Variants in LCLAT1 observed in about 807,000 individuals in gnomAD.
LCLAT1 encodes lysocardiolipin acyltransferase 1, also known as 1-AGP acyltransferase 8.
A neutral mutation model predicts 30.7 loss-of-function variants in LCLAT1; 11 were observed. The ratio of observed to expected loss-of-function variants is 0.36; its 90% CI spans 0.23 to 0.59. The LOEUF (loss-of-function observed/expected upper bound fraction) is 0.59, where lower values mean the gene tolerates loss of function less well. Ranked by LOEUF, LCLAT1 falls within the 20% of genes least tolerant of loss-of-function variation. The pLI, the probability that LCLAT1 is intolerant of heterozygous loss-of-function variation, is 0.77. For missense variants in LCLAT1, 402 were observed against 458.6 expected (o/e 0.88, Z 1.13); for synonymous variants, 155 against 151.3 (o/e 1.02, Z -0.18).
chr2:30,549,974 A>G (rs1202845853), intron 3 of LCLAT1, among the ~76,000 whole-genome samples: 1 of 152,214 alleles, frequency 6.6e-6, no homozygotes, highest in Non-Finnish European at 1.5e-5. Context: ...CACAATGAAA[A>G]TAATGTCAAA....
chr2:30,616,283 TATTG>T (rs1325226888), intron 5 of LCLAT1, among the ~76,000 whole-genome samples: 1 of 152,156 alleles, frequency 6.6e-6, no homozygotes, highest in Non-Finnish European at 1.5e-5. Context: ...TGAATCATAG[TATTG>T]ATTAAAAGCA....
intron 5 of LCLAT1, among the ~76,000 whole-genome samples, chr2:30,575,150 T>C (rs1665938704): frequency 6.6e-6 from 1 of 152,146 alleles, no homozygotes; most frequent in Non-Finnish European, 1.5e-5. Flanking sequence ...TAAGTGTTTT[T>C]TCCACTTCAA....
chr2:30,538,447 G>C (rs1197566113), intron 3 of LCLAT1, among the ~76,000 whole-genome samples: 1 of 152,026 alleles, frequency 6.6e-6, no homozygotes, highest in South Asian at 2.1e-4. Context: ...TTGGAGACCA[G>C]CCTGGCCAAC....
At chr2:30,635,840 C>A (rs948877795) in intron 5 of LCLAT1, among the ~76,000 whole-genome samples, 34 of 152,300 alleles carry the variant, frequency 2.2e-4, no homozygotes, top group African/African-American at 7.7e-4. Flanking sequence ...TAATTATCTT[C>A]TATATTTTTA....
chr2:30,604,830 C>CT lies in LCLAT1; in HGVS notation c.629-35286dup, dbSNP rs1277148382. Among the ~76,000 whole-genome samples the CT allele has an allele frequency of 3.3e-5, 5 of 152,252 alleles. No individual in the cohort carries two copies. The East Asian group carries it at 9.7e-4, about 29-fold the overall frequency. On this transcript the variant is annotated intron_variant, in intron 5 of 5. Transcript: ENST00000379509. ...ATACTGTTTGTTTTTAGAGGACAAACTAAGGAGTGGGAGTCCCAGAGGGAT... is the reference window on the plus strand; with the variant it reads ...ATACTGTTTGTTTTTAGAGGACAAACTTAAGGAGTGGGAGTCCCAGAGGGAT...
chr2:30,509,811 G>T (rs1018257514), intron 1 of LCLAT1, among the ~76,000 whole-genome samples: 18 of 152,056 alleles, frequency 1.2e-4, no homozygotes, highest in African/African-American at 4.4e-4. Flanking sequence ...TGATCCACCC[G>T]CCTTGGCCTT....
chr2:30,489,199 A>G (rs912106548), intron 1 of LCLAT1: 1 of 152,150 alleles, frequency 6.6e-6, no homozygotes, highest in East Asian at 1.9e-4. Context: ...CCACCATTGT[A>G]CCATACAAGT....
chr2:30,600,294 C>T (rs1667123655), intron 5 of LCLAT1, among the ~76,000 whole-genome samples: 1 of 152,080 alleles, frequency 6.6e-6, no homozygotes, highest in South Asian at 2.1e-4. Context: ...GAAATTAAGG[C>T]AGAAATCAAG....
intron 1 of LCLAT1, among the ~76,000 whole-genome samples, chr2:30,463,932 G>A (rs537865087): frequency 6.6e-6 from 1 of 152,296 alleles, no homozygotes; most frequent in South Asian, 2.1e-4. Context: ...GCCTCCGTGA[G>A]CATTTTTATC....
At chr2:30,640,031 T>G in intron 5 of LCLAT1, 86 bp from the exon 6 acceptor site, 1 of 1,118,604 alleles carries the variant, frequency 8.9e-7, no homozygotes, top group Non-Finnish European at 1.3e-6. Context: ...ATTTTTCGGT[T>G]TCTGGTGCTG....
At chr2:30,629,909 C>T (rs1376190451) in intron 5 of LCLAT1, among the ~76,000 whole-genome samples, 1 of 151,832 alleles carries the variant, frequency 6.6e-6, no homozygotes, top group East Asian at 1.9e-4. Flanking sequence ...AATTATATGA[C>T]AGTATTACAG....
chr2:30,530,069 T>C (rs1293385742), intron 2 of LCLAT1, among the ~76,000 whole-genome samples: 2 of 152,204 alleles, frequency 1.3e-5, no homozygotes, highest in African/African-American at 4.8e-5. Flanking sequence ...ATATAAAAGA[T>C]CCTTGGAAAA....
At chr2:30,502,122 C>T (rs1413757198) in intron 1 of LCLAT1, among the ~76,000 whole-genome samples, 1 of 152,184 alleles carries the variant, frequency 6.6e-6, no homozygotes, top group African/African-American at 2.4e-5. Flanking sequence ...TATGCAGGGA[C>T]AGCCATTGGT....
chr2:30,497,301 T>C (rs1454219439), intron 1 of LCLAT1, among the ~76,000 whole-genome samples: 1 of 152,224 alleles, frequency 6.6e-6, no homozygotes, highest in Non-Finnish European at 1.5e-5. Flanking sequence ...GTTGCTTTTG[T>C]AATTATTAAT....
rs558511357 is a variant in LCLAT1, at chr2:30,602,071, T to C, written c.628+33895T>C. Among the ~76,000 whole-genome samples, 22 of 152,248 alleles carry C rather than the reference T, an allele frequency of 1.4e-4. No individual in the cohort carries two copies. The South Asian group carries it at 2.1e-3, about 14-fold the overall frequency. ...TGTTAGGTAGGAGACTTGGTTGTTT[T>C]TCATCCAGCTTCTTTCTCAATAGGA... On this transcript the variant is annotated intron_variant, in intron 5 of 5. Coordinates refer to ENST00000379509, the MANE Select transcript of LCLAT1 (RefSeq NM_001002257.3).
At chr2:30,638,430 C>T (rs921263550) in intron 5 of LCLAT1, among the ~76,000 whole-genome samples, 16 of 152,196 alleles carry the variant, frequency 1.1e-4, no homozygotes, top group African/African-American at 3.1e-4. Context: ...CCCTTCTCAT[C>T]GTTTCCCACC....
At chr2:30,622,257 C>A (rs964843938) in intron 5 of LCLAT1, among the ~76,000 whole-genome samples, 26 of 152,122 alleles carry the variant, frequency 1.7e-4, no homozygotes, top group African/African-American at 6.0e-4. Context: ...CAAGCCCTGC[C>A]CAAGTAGAGC....
At chr2:30,515,516 G>T (rs829638) in intron 1 of LCLAT1, among the ~76,000 whole-genome samples, 1 of 152,096 alleles carries the variant, frequency 6.6e-6, no homozygotes, top group Non-Finnish European at 1.5e-5. Flanking sequence ...AAAGAATAAC[G>T]TACACAGTTA....
intron 2 of LCLAT1, among the ~76,000 whole-genome samples, chr2:30,532,609 G>A (rs543404045): frequency 6.6e-6 from 1 of 152,088 alleles, no homozygotes; most frequent in East Asian, 1.9e-4. Flanking sequence ...TATTTTAGTA[G>A]ATGTATAGTT....
Sources: allele counts gnomAD v4.1 joint callset (sites outside exome capture counted in the v4.1 genomes callset), GRCh38; gene constraint gnomAD v4.1.1; transcripts MANE v1.5; gene names NCBI Gene and HGNC (gene_info 2026-07-23, HGNC 2026-07-21).